The following SPATA16 variants were observed in gnomAD, a reference collection of about 807,000 sequenced individuals.
The protein encoded by SPATA16 is spermatogenesis-associated protein 16.
In SPATA16, 36 loss-of-function variants were observed where a neutral mutation model predicts 63.3. That is an observed-to-expected ratio of 0.57 (90% CI 0.44 to 0.75). The LOEUF is 0.75. Among genes scored for constraint, SPATA16 ranks in the 30% least tolerant of loss-of-function variants. SPATA16 has a pLI of 0.00. For synonymous variants in SPATA16, 203 were observed against 216.7 expected (o/e 0.94, Z 0.56); for missense variants, 646 against 679.3 (o/e 0.95, Z 0.54).
intron 2 of SPATA16, among the ~76,000 whole-genome samples, chr3:173,084,702 G>T (rs754338028): frequency 2.0e-5 from 3 of 152,164 alleles, no homozygotes; most frequent in Non-Finnish European, 4.4e-5. Flanking sequence ...TGTGTAAGGT[G>T]TAAGGAAAGG....
intron 2 of SPATA16, among the ~76,000 whole-genome samples, chr3:173,102,102 G>A (rs1737511615): frequency 6.6e-6 from 1 of 152,068 alleles, no homozygotes; most frequent in Admixed American, 6.5e-5. Flanking sequence ...CCTTAGAGAG[G>A]TCCTGAACCC....
chr3:173,096,276 AG>A (rs1404186174), intron 2 of SPATA16, among the ~76,000 whole-genome samples: 1 of 152,128 alleles, frequency 6.6e-6, no homozygotes, highest in Non-Finnish European at 1.5e-5. Flanking sequence ...AGAAATTAAA[AG>A]GGGAAGTCAT....
chr3:173,086,194 T>A (rs1052771003), intron 2 of SPATA16, among the ~76,000 whole-genome samples: 2 of 152,186 alleles, frequency 1.3e-5, no homozygotes, highest in Admixed American at 6.6e-5. Context: ...AGACTATTAC[T>A]GCCTCAATTT....
At chr3:173,140,057 G>A (rs961587345) in intron 1 of SPATA16, among the ~76,000 whole-genome samples, 4 of 152,108 alleles carry the variant, frequency 2.6e-5, no homozygotes, top group African/African-American at 9.7e-5. Context: ...TTTATGCCTG[G>A]AGATCATTTT....
chr3:172,938,511 T>C (rs1577097052), intron 6 of SPATA16, among the ~76,000 whole-genome samples: 1 of 152,262 alleles, frequency 6.6e-6, no homozygotes, highest in South Asian at 2.1e-4. Context: ...CCTCTGCCAG[T>C]CCCTCAATAA....
At position 173,000,997 on chromosome 3, in the gene SPATA16, T is replaced by A. The variant is rs1734810052; in HGVS notation, c.848+18489A>T. On this transcript the variant is annotated intron_variant, in intron 4 of 10. Transcript: ENST00000351008. ...TCACAGTTTCTTTTAGAATTCCTGT[T>A]CTGGTAATTCCAGCATTCCTGCCAT... 2.0e-5 allele frequency among the ~76,000 whole-genome samples: 3 copies of A among 152,228 alleles called. No individual in the cohort carries two copies. The South Asian group carries it at 6.2e-4, about 31-fold the overall frequency.
chr3:172,962,497 A>G (rs893171202), intron 5 of SPATA16, among the ~76,000 whole-genome samples: 1 of 152,150 alleles, frequency 6.6e-6, no homozygotes, highest in Non-Finnish European at 1.5e-5. Flanking sequence ...TGAAACTTGG[A>G]ATCTCTCTCA....
At chr3:172,975,342 G>T (rs1479496633) in intron 5 of SPATA16, among the ~76,000 whole-genome samples, 3 of 152,116 alleles carry the variant, frequency 2.0e-5, no homozygotes, top group Non-Finnish European at 4.4e-5. Context: ...TAGAAAACAG[G>T]ATAGGTACTC....
At chr3:172,974,398 A>G (rs373750218) in intron 5 of SPATA16, among the ~76,000 whole-genome samples, 1 of 152,088 alleles carries the variant, frequency 6.6e-6, no homozygotes, top group Non-Finnish European at 1.5e-5. Flanking sequence ...GTTTGGGGAC[A>G]TTCTTGAAGT....
rs1379233536 is a variant in SPATA16, at chr3:173,130,364, A to C, written c.-19+10739T>G. On this transcript the variant is annotated intron_variant, in intron 1 of 10. Coordinates refer to ENST00000351008, the MANE Select transcript of SPATA16 (RefSeq NM_031955.6). ...ACAGAGTGAGACTTCGTCTCAAAAA[A>C]AAAAAAAAAAAAAAAAAAAGAAATT... Among the ~76,000 whole-genome samples the C allele has an allele frequency of 2.7e-5, 4 of 150,412 alleles. No homozygotes were observed. In the East Asian group the frequency reaches 7.7e-4, roughly 29 times the overall value.
rs376620682 is a variant in SPATA16, at chr3:173,135,931, A to G, written c.-19+5172T>C. On this transcript the variant is annotated intron_variant, in intron 1 of 10. Coordinates refer to ENST00000351008, the MANE Select transcript of SPATA16 (RefSeq NM_031955.6). ...TACCAAATGTATGTTATGCATCGAT[A>G]AAAAGTTTACATTAAGAAAATCAAT... Among the ~76,000 whole-genome samples, 106 of 152,320 alleles carry G rather than the reference A, an allele frequency of 7.0e-4. 2 individuals carry two copies. The highest frequency in any genetic ancestry group is 2.4e-3 in the African/African-American group (101 of 41,564).
intron 4 of SPATA16, among the ~76,000 whole-genome samples, chr3:172,989,606 G>A (rs1009225668): frequency 2.0e-5 from 3 of 152,064 alleles, no homozygotes; most frequent in Non-Finnish European, 4.4e-5. Flanking sequence ...AGTACAATGC[G>A]GATAATAATA....
chr3:172,937,892 A>G (rs1411631738), intron 6 of SPATA16, among the ~76,000 whole-genome samples: 2 of 152,222 alleles, frequency 1.3e-5, no homozygotes, highest in African/African-American at 4.8e-5. Flanking sequence ...CCAGACAGAC[A>G]GCAAGTTATT....
At chr3:172,934,516 A>G (rs889318930) in intron 6 of SPATA16, among the ~76,000 whole-genome samples, 4 of 152,184 alleles carry the variant, frequency 2.6e-5, no homozygotes, top group Admixed American at 6.5e-5. Flanking sequence ...AAAAACTTCT[A>G]TCATCACAGA....
At position 173,138,811 on chromosome 3, in the gene SPATA16, C is replaced by G. The variant is rs146421883; in HGVS notation, c.-19+2292G>C. On this transcript the variant is annotated intron_variant, in intron 1 of 10. Coordinates refer to ENST00000351008, the MANE Select transcript of SPATA16 (RefSeq NM_031955.6). ...TCCTGTATCAGGTCAACTCAATTAC[C>G]TTTCAAAGTTGCCTAAATCGTGAAA... Among the ~76,000 whole-genome samples, 263 of 152,308 alleles carry G rather than the reference C, an allele frequency of 1.7e-3. 1 individual carries two copies. The highest frequency in any genetic ancestry group is 2.9e-3 in the Non-Finnish European group (198 of 68,020).
At chr3:172,896,731 A>G (rs913575765) in intron 10 of SPATA16, among the ~76,000 whole-genome samples, 7 of 151,786 alleles carry the variant, frequency 4.6e-5, no homozygotes, top group South Asian at 2.1e-4. Flanking sequence ...AACATGCTCA[A>G]TTGTCATTCA....
At chr3:173,084,512 CTTTAG>C (rs1354394497) in intron 2 of SPATA16, among the ~76,000 whole-genome samples, 1 of 152,104 alleles carries the variant, frequency 6.6e-6, no homozygotes, top group Non-Finnish European at 1.5e-5. Flanking sequence ...TGCAGAAACT[CTTTAG>C]TTTAATTAGA....
intron 4 of SPATA16, among the ~76,000 whole-genome samples, chr3:172,979,468 A>G (rs1186106688): frequency 1.3e-5 from 2 of 152,136 alleles, no homozygotes; most frequent in Admixed American, 1.3e-4. Context: ...TAAATTGATA[A>G]GAATTTTTAT....
At chr3:173,019,249 T>C (rs112981362) in intron 4 of SPATA16, among the ~76,000 whole-genome samples, 1 of 152,152 alleles carries the variant, frequency 6.6e-6, no homozygotes, top group East Asian at 1.9e-4. Context: ...TTTTCCATCA[T>C]CATCAGTGAC....
Sources: gnomAD v4.1 joint callset for allele counts (sites outside exome capture counted in the v4.1 genomes callset) on GRCh38, gnomAD v4.1.1 for gene constraint, MANE v1.5 for transcripts, NCBI Gene and HGNC (gene_info 2026-07-23, HGNC 2026-07-21) for gene names.